MED15: variants seen among roughly 807,000 people sequenced by gnomAD.
The protein encoded by MED15 is mediator complex subunit 15.
MED15 carries 41 observed loss-of-function variants against 118.7 expected under a neutral mutation model. The observed-to-expected ratio is 0.35, with a 90% confidence interval of 0.27 to 0.45. The LOEUF (loss-of-function observed/expected upper bound fraction) is 0.45. Among genes scored for constraint, MED15 ranks in the 20% least tolerant of loss-of-function variants. The pLI is 1.00. For synonymous variants in MED15, 436 were observed against 413.9 expected, an observed-to-expected ratio of 1.05 and a Z score of -0.65; for missense variants, 740 against 1,025.5, an observed-to-expected ratio of 0.72 and a Z score of 3.80.
At chr22:20,550,072 AG>A (rs897442289) in intron 2 of MED15, among the ~76,000 whole-genome samples, 3 of 152,168 alleles carry the variant, frequency 2.0e-5, no homozygotes, top group Non-Finnish European at 2.9e-5. Context: ...AGGAGCTGTG[AG>A]GTGTTGACCT....
At chr22:20,569,626 G>A (rs1341724892) in intron 8 of MED15, among the ~76,000 whole-genome samples, 1 of 149,242 alleles carries the variant, frequency 6.7e-6, no homozygotes, top group Admixed American at 6.6e-5. Context: ...AAGTCCCTGG[G>A]AAGCTGCCTG....
At chr22:20,585,692 T>C (rs779690650) in intron 16 of MED15, 36 bp from the exon 17 acceptor site, 6 of 1,597,944 alleles carry the variant, frequency 3.8e-6, no homozygotes, top group Non-Finnish European at 4.3e-6. Context: ...AGGCCGGGGC[T>C]TGTCCAGGTC....
intron 1 of MED15, 114 bp downstream of exon 1, chr22:20,507,860 C>G: frequency 1.3e-6 from 2 of 1,524,194 alleles, no homozygotes; most frequent in Non-Finnish European, 1.8e-6. Flanking sequence ...CAGAAGGCGC[C>G]GGGGACTTGC....
At chr22:20,553,492 A>T (rs548549300) in intron 4 of MED15, among the ~76,000 whole-genome samples, 1 of 152,236 alleles carries the variant, frequency 6.6e-6, no homozygotes, top group South Asian at 2.1e-4. Flanking sequence ...GAGAATTATT[A>T]TGCTGTTTTC....
chr22:20,546,284 G>C (rs1327902013), intron 2 of MED15, among the ~76,000 whole-genome samples: 2 of 152,154 alleles, frequency 1.3e-5, no homozygotes, highest in Non-Finnish European at 2.9e-5. Context: ...TCGGAGAGCA[G>C]AGAGGGTGCC....
intron 2 of MED15, among the ~76,000 whole-genome samples, chr22:20,543,026 A>G (rs188994983): frequency 6.6e-5 from 10 of 152,062 alleles, no homozygotes; most frequent in Admixed American, 5.2e-4. Flanking sequence ...GTTTTTTCCA[A>G]TCTAAATAGC....
chr22:20,577,922 CTGTT>C lies in MED15; in HGVS notation c.1272+2696_1272+2699del, dbSNP rs1006815170. Among the ~76,000 whole-genome samples, 19 of 152,182 alleles carry C rather than the reference CTGTT, an allele frequency of 1.2e-4. 1 individual carries two copies. In the South Asian group the frequency reaches 2.3e-3, roughly 18 times the overall value. On this transcript the variant is annotated intron_variant, in intron 9 of 17. Coordinates refer to ENST00000263205, the MANE Select transcript of MED15 (RefSeq NM_001003891.3). ...TTCTGTTATTTTGTTGTCATTGTTACTGTTTGTTTTTCTTTTTTTGAGACAGAGT... is the reference window on the plus strand; with the variant it reads ...TTCTGTTATTTTGTTGTCATTGTTACTGTTTTTCTTTTTTTGAGACAGAGT...
At chr22:20,586,450 T>C (rs1045979953) in intron 17 of MED15, 118 bp from the exon 18 acceptor site, 2 of 1,466,908 alleles carry the variant, frequency 1.4e-6, no homozygotes, top group African/African-American at 1.4e-5. Flanking sequence ...GCAGGACACA[T>C]CACCTCCTGG....
At chr22:20,537,078 C>A in intron 1 of MED15, 39 bp from the exon 2 acceptor site, 1 of 1,590,522 alleles carries the variant, frequency 6.3e-7, no homozygotes, top group Non-Finnish European at 8.6e-7. Flanking sequence ...GGTGGAGTCA[C>A]TGGTGTGTGC....
Position 20,564,546 on chromosome 22 carries a change from A to G in MED15, c.548A>G (p.Gln183Arg), listed in dbSNP as rs1438740269. The G allele has an allele frequency of 2.5e-6, 4 of 1,603,208 alleles. No individual in the cohort carries two copies. The highest frequency in any genetic ancestry group is 2.2e-5 in the South Asian group (2 of 90,778). ...GCGGCGCTACAGCAGCAGCAGCAGC[A>G]GCAGCAACAGCAGCAGTTCCAGGCT... ...QQAALQQQQQ[Q>R]QQQQQFQAQQ... is the part of the protein sequence containing the mutation. The change falls in exon 6 of 18, where the codon CAG becomes CGG. Residue 183 changes from glutamine to arginine, a missense_variant. Transcript: ENST00000263205.
chr22:20,507,651 T>C lies in MED15; in HGVS notation c.-28T>C, dbSNP rs897292439. 1 of 1,613,626 alleles carries C rather than the reference T, an allele frequency of 6.2e-7. No homozygotes were observed. Among genetic ancestry groups the C allele is most frequent in the East Asian group, 2.2e-5 (1 of 44,876 alleles). The stretch of plus-strand genomic sequence containing the variant: ...CGGCGGCGGTGGCGGCCAAGCGGGA[T>C]ACGGGCGGCGGGAGCTGGGGAACAG... On this transcript the variant is annotated 5_prime_UTR_variant, in exon 1 of 18. Coordinates refer to ENST00000263205, the MANE Select transcript of MED15 (RefSeq NM_001003891.3).
At chr22:20,557,883 G>A (rs2056081116) in intron 5 of MED15, among the ~76,000 whole-genome samples, 1 of 152,180 alleles carries the variant, frequency 6.6e-6, no homozygotes, top group South Asian at 2.1e-4. Flanking sequence ...GAGGCGGGCG[G>A]ATCACGAGGT....
chr22:20,541,206 T>C (rs1569197242), intron 2 of MED15, among the ~76,000 whole-genome samples: 1 of 151,942 alleles, frequency 6.6e-6, no homozygotes, highest in Non-Finnish European at 1.5e-5. Flanking sequence ...GCCACTGCAC[T>C]CCAGACTGGG....
chr22:20,559,827 C>T (rs1212742384), intron 5 of MED15, among the ~76,000 whole-genome samples: 1 of 152,126 alleles, frequency 6.6e-6, no homozygotes, highest in East Asian at 1.9e-4. Flanking sequence ...TATCCTTTTT[C>T]CAATAAGCCT....
chr22:20,579,955 C>T (rs1171673962), intron 9 of MED15, among the ~76,000 whole-genome samples: 1 of 152,126 alleles, frequency 6.6e-6, no homozygotes, highest in African/African-American at 2.4e-5. Flanking sequence ...TCCCTAATGC[C>T]AGTTGTGTCT....
At chr22:20,574,556 C>G (rs1184348082) in intron 8 of MED15, 1 of 152,798 alleles carries the variant, frequency 6.5e-6, no homozygotes, top group Non-Finnish European at 1.5e-5. Flanking sequence ...GATACCAGGA[C>G]CATCAGCCTC....
intron 5 of MED15, among the ~76,000 whole-genome samples, chr22:20,562,072 G>T (rs767295945): frequency 6.6e-6 from 1 of 152,102 alleles, no homozygotes; most frequent in Non-Finnish European, 1.5e-5. Flanking sequence ...TGAGAGGATC[G>T]CTTGCTTGAG....
At chr22:20,572,970 T>C (rs987365558) in intron 8 of MED15, among the ~76,000 whole-genome samples, 53 of 150,814 alleles carry the variant, frequency 3.5e-4, no homozygotes, top group Non-Finnish European at 4.6e-4. Flanking sequence ...CATTTTCTTT[T>C]TTTTTTTTTT....
chr22:20,577,050 A>G (rs1411400591), intron 9 of MED15, among the ~76,000 whole-genome samples: 1 of 152,210 alleles, frequency 6.6e-6, no homozygotes, highest in African/African-American at 2.4e-5. Flanking sequence ...CTTTGTGTAC[A>G]GAGCCTCACT....
Sources: allele counts gnomAD v4.1 joint callset (sites outside exome capture counted in the v4.1 genomes callset), GRCh38; gene constraint gnomAD v4.1.1; transcripts MANE v1.5; gene names NCBI Gene and HGNC (gene_info 2026-07-23, HGNC 2026-07-21).